PHKA2: variants seen among roughly 807,000 people sequenced by gnomAD.
PHKA2 encodes the protein phosphorylase b kinase regulatory subunit alpha, liver isoform.
PHKA2 carries 31 observed loss-of-function variants against 102.0 expected under a neutral mutation model. That is an observed-to-expected ratio of 0.30 (90% confidence interval 0.23 to 0.41). The LOEUF (loss-of-function observed/expected upper bound fraction) is 0.41, where lower values mean the gene tolerates loss of function less well. PHKA2 is among the 10% of genes least tolerant of loss of function. PHKA2 has a pLI of 1.00. For synonymous variants in PHKA2, 455 were observed against 416.2 expected (o/e 1.09, Z -1.13); for missense variants, 858 against 1,023.1 (o/e 0.84, Z 2.20).
At chrX:18,926,084 G>C (rs2048205515) in intron 14 of PHKA2, among the ~76,000 whole-genome samples, 1 of 112,504 alleles carries the variant, frequency 8.9e-6, no homozygotes, top group Non-Finnish European at 1.9e-5. Context: ...AACAAAGTCA[G>C]ATTGTAGAAA....
rs746513124 is a variant in PHKA2 at position 18,894,282 on chromosome X, C to T, written c.3459G>A (p.Thr1153=). The T allele has an allele frequency of 6.6e-6, 8 of 1,211,477 alleles. No homozygotes were observed. The South Asian group carries it at 8.8e-5, about 13-fold the overall frequency. Residue 1153 remains threonine (T), a synonymous_variant, in exon 32 of 33, where the codon ACG becomes ACA. Coordinates refer to ENST00000379942, the MANE Select transcript of PHKA2 (RefSeq NM_000292.3). ...TGATGCCCCCGATGCTGGTCATCTC[C>T]GTGTCCGAGAGCAGCGTCAGCACCA... ...AIMVLTLLSD[T]EMTSIGGIIH...
intron 17 of PHKA2, among the ~76,000 whole-genome samples, chrX:18,922,576 C>T (rs1234404115): frequency 9.0e-6 from 1 of 111,133 alleles, no homozygotes; most frequent in Non-Finnish European, 1.9e-5. Context: ...AGGGACTTAA[C>T]TTTGGGGACA....
rs747421945 is a variant in PHKA2 at position 18,951,138 on chromosome X, G to A, written c.420C>T (p.Leu140=). 1 of 1,210,409 alleles carries A rather than the reference G, an allele frequency of 8.3e-7. No individual in the cohort carries two copies. Among genetic ancestry groups the A allele is most frequent in the Middle Eastern group, 2.3e-4 (1 of 4,345 alleles). ...TCATCTGGGCCAGGAACAGGAGGAA[G>A]AGAGAGGTGGCATCCACCTGGAGGT... ...WGHLQVDATS[L]FLLFLAQMTA... Residue 140 remains leucine, a synonymous_variant, in exon 4 of 33, where the codon CTC becomes CTT. Transcript: ENST00000379942.
chrX:18,899,082 C>A, intron 29 of PHKA2, 91 bp downstream of exon 29: 2 of 787,891 alleles, frequency 2.5e-6, no homozygotes, highest in East Asian at 3.2e-5. Flanking sequence ...CAGCCCTGCT[C>A]GAATCCTCAG....
At chrX:18,935,397 T>C (rs944216435) in intron 11 of PHKA2, among the ~76,000 whole-genome samples, 1 of 111,666 alleles carries the variant, frequency 9.0e-6, no homozygotes, top group Non-Finnish European at 1.9e-5. Context: ...TCAATACCCC[T>C]GTACATTGGC....
In PHKA2 at chrX:18,895,374, T is replaced by C. The variant is rs746199292; in HGVS notation, c.3283-183A>G. ...GTTCTCACTGCCCACAGGCTGTGTTTTCGATGGAACAATTCTAGGGAACCC... is the reference window on the plus strand; with the variant it reads ...GTTCTCACTGCCCACAGGCTGTGTTCTCGATGGAACAATTCTAGGGAACCC... On this transcript the variant is annotated intron_variant, in intron 30 of 32. Transcript: ENST00000379942. 1.7e-3 allele frequency: 846 copies of C among 486,330 alleles called. 6 individuals carry two copies. Among genetic ancestry groups the C allele is most frequent in the African/African-American group, 0.016 (694 of 42,731 alleles). The allele number at this position is 486,330 out of a possible 1,213,427, so 40.1% of individuals were successfully genotyped here. A position where few individuals can be genotyped will look rare whatever the true frequency, so the allele number is the denominator to read the frequency against.
rs188081666 is a variant in PHKA2 at position 18,909,492 on chromosome X, G to A, written c.2227-558C>T. Among the ~76,000 whole-genome samples, 488 of 112,056 alleles carry A rather than the reference G, an allele frequency of 4.4e-3. 6 individuals are homozygous for A. The highest frequency in any genetic ancestry group is 0.015 in the African/African-American group (472 of 30,905). ...GCCTCTGGGAGGGGTACACTCCTAG[G>A]GCGTGAAAATAGCCCATATCACCAG... is the stretch of plus-strand genomic sequence containing the variant. On this transcript the variant is annotated intron_variant, in intron 20 of 32. Transcript: ENST00000379942.
chrX:18,908,142 C>G, intron 21 of PHKA2, 86 bp from the exon 22 acceptor site: 1 of 935,063 alleles, frequency 1.1e-6, no homozygotes, highest in Non-Finnish European at 1.6e-6. Context: ...TTGCACAGCA[C>G]TTGGGCTCTC....
chrX:18,969,890 T>A (rs1040975900), intron 1 of PHKA2, among the ~76,000 whole-genome samples: 26 of 112,480 alleles, frequency 2.3e-4, no homozygotes, highest in Non-Finnish European at 4.7e-4. Flanking sequence ...CCTAGTAATA[T>A]TCTATACTTA....
At chrX:18,914,138 G>A (rs1303709225) in intron 19 of PHKA2, among the ~76,000 whole-genome samples, 3 of 112,556 alleles carry the variant, frequency 2.7e-5, no homozygotes, top group African/African-American at 9.7e-5. Flanking sequence ...ACAAACATGT[G>A]AGCAGTGCAT....
chrX:18,962,317 A>G (rs1193953922), intron 1 of PHKA2, among the ~76,000 whole-genome samples: 1 of 111,961 alleles, frequency 8.9e-6, no homozygotes, highest in Non-Finnish European at 1.9e-5. Context: ...ATGCTGAGCC[A>G]ATACTGGAAC....
intron 12 of PHKA2, among the ~76,000 whole-genome samples, chrX:18,930,600 G>A (rs929970014): frequency 3.6e-5 from 4 of 111,264 alleles, no homozygotes; most frequent in East Asian, 2.8e-4. Context: ...TGAGGAAACC[G>A]AAGCCCAGAG....
At chrX:18,961,636 G>A (rs1018771972) in intron 1 of PHKA2, among the ~76,000 whole-genome samples, 3 of 97,162 alleles carry the variant, frequency 3.1e-5, no homozygotes, top group Non-Finnish European at 4.1e-5. Flanking sequence ...CTCCAGCCCG[G>A]GTAACAGCGC....
At chrX:18,907,486 A>G (rs2047842101) in intron 22 of PHKA2, among the ~76,000 whole-genome samples, 1 of 112,087 alleles carries the variant, frequency 8.9e-6, no homozygotes, top group African/African-American at 3.3e-5. Flanking sequence ...CCCATTATTC[A>G]CATCTAATAA....
intron 1 of PHKA2, among the ~76,000 whole-genome samples, chrX:18,959,418 C>T (rs1459091148): frequency 9.0e-6 from 1 of 111,545 alleles, no homozygotes; most frequent in African/African-American, 3.3e-5. Context: ...TCGATGTAAC[C>T]ATCATTTTTA....
rs923387864 is a variant in PHKA2, at chrX:18,954,338, G to T, written c.153C>A (p.Ile51=). The T allele has an allele frequency of 8.3e-7, 1 of 1,209,910 alleles. No individual in the cohort carries two copies. The highest frequency in any genetic ancestry group is 2.2e-5 in the Admixed American group (1 of 45,914). ...CCATGCCCAGGCCCCACACGGCCAGGATACTGTAGATGTTATCCCGCACCC... is the reference window on the plus strand; with the variant it reads ...CCATGCCCAGGCCCCACACGGCCAGTATACTGTAGATGTTATCCCGCACCC... ...DAWVRDNIYS[I]LAVWGLGMAY... is the part of the protein sequence containing the mutation. Residue 51 remains isoleucine (I), a synonymous_variant, in exon 2 of 33, where the codon ATC becomes ATA. Transcript: ENST00000379942.
At chrX:18,935,556 A>G (rs1469341420) in intron 11 of PHKA2, among the ~76,000 whole-genome samples, 2 of 110,462 alleles carry the variant, frequency 1.8e-5, no homozygotes, top group Non-Finnish European at 3.8e-5. Context: ...CGTGTTCCAC[A>G]TATTTTTCCA....
chrX:18,902,091 T>A (rs1398547010), intron 26 of PHKA2, among the ~76,000 whole-genome samples: 3 of 111,219 alleles, frequency 2.7e-5, no homozygotes, highest in Non-Finnish European at 3.8e-5. Context: ...TCCGCCCACC[T>A]TGACCTCCCA....
chrX:18,895,258 A>G, intron 30 of PHKA2, 67 bp from the exon 31 acceptor site: 1 of 955,790 alleles, frequency 1.0e-6, no homozygotes, highest in South Asian at 1.9e-5. Context: ...ATGCACACAC[A>G]GGCGTGCATG....
Sources: allele counts gnomAD v4.1 joint callset (sites outside exome capture counted in the v4.1 genomes callset), GRCh38; gene constraint gnomAD v4.1.1; transcripts MANE v1.5; gene names NCBI Gene and HGNC (gene_info 2026-07-23, HGNC 2026-07-21).